CDNF: variants seen among roughly 807,000 people sequenced by gnomAD.
CDNF encodes ARMET-like protein 1.
CDNF carries 9 observed loss-of-function variants against 14.8 expected under a neutral mutation model. That is an observed-to-expected ratio of 0.61 (90% confidence interval 0.37 to 1.06). The LOEUF (loss-of-function observed/expected upper bound fraction) is 1.06. CDNF is among the 50% of genes least tolerant of loss of function. The probability of loss-of-function intolerance (pLI) is 0.01; values close to 1 mark genes in which losing one functional copy is unlikely to be tolerated. For synonymous variants in CDNF, 86 were observed against 87.2 expected (o/e 0.99, Z 0.07); for missense variants, 228 against 228.4 (o/e 1.00, Z 0.01).
chr10:14,825,817 G>A (rs1226857564), intron 2 of CDNF, among the ~76,000 whole-genome samples, 197 bp from the exon 3 acceptor site: 1 of 151,836 alleles, frequency 6.6e-6, no homozygotes, highest in Non-Finnish European at 1.5e-5. Flanking sequence ...TGGTCAACAT[G>A]GTGAAACCCC....
intron 1 of CDNF, 148 bp from the exon 2 acceptor site, chr10:14,828,420 G>T: frequency 1.5e-6 from 1 of 673,166 alleles, no homozygotes; most frequent in Non-Finnish European, 2.5e-6. Context: ...AGGCTGAGGT[G>T]GGCAGATCAC....
chr10:14,822,147 T>G (rs1833743014), intron 3 of CDNF, among the ~76,000 whole-genome samples: 1 of 152,200 alleles, frequency 6.6e-6, no homozygotes, highest in Non-Finnish European at 1.5e-5. Flanking sequence ...CTTTGTGTTA[T>G]TCCCACTTCT....
chr10:14,827,052 C>CAAAAAA (rs34308438), intron 2 of CDNF, among the ~76,000 whole-genome samples: 12 of 74,570 alleles, frequency 1.6e-4, no homozygotes, highest in Admixed American at 3.4e-4. Context: ...CCCGTCTCTA[C>CAAAAAA]AAAAAAAAAA....
chr10:14,835,799 G>A (rs1314186043), intron 1 of CDNF, among the ~76,000 whole-genome samples: 3 of 152,102 alleles, frequency 2.0e-5, no homozygotes, highest in Non-Finnish European at 2.9e-5. Context: ...AATATCTACA[G>A]GGGCCAGGCA....
At chr10:14,832,994 G>T (rs902546612) in intron 1 of CDNF, among the ~76,000 whole-genome samples, 1 of 151,472 alleles carries the variant, frequency 6.6e-6, no homozygotes, top group Non-Finnish European at 1.5e-5. Context: ...TGAGTAGCTG[G>T]GATTACAGGC....
chr10:14,832,991 C>T (rs1274357335), intron 1 of CDNF, among the ~76,000 whole-genome samples: 2 of 150,884 alleles, frequency 1.3e-5, no homozygotes, highest in African/African-American at 4.9e-5. Flanking sequence ...TCCTGAGTAG[C>T]TGGGATTACA....
At chr10:14,826,080 AAGAAGAAGAAGAAGAAGCAGC>A (rs1564313388) in intron 2 of CDNF, among the ~76,000 whole-genome samples, 10 of 141,668 alleles carry the variant, frequency 7.1e-5, no homozygotes, top group African/African-American at 2.2e-4. Context: ...GAAGAAGAAG[AAGAAGAAGAAGAAGAAGCAGC>A]AGCAGCAGCA....
At chr10:14,828,024 G>A in intron 2 of CDNF, 121 bp downstream of exon 2, 2 of 867,512 alleles carry the variant, frequency 2.3e-6, no homozygotes, top group South Asian at 1.6e-5. Flanking sequence ...CTTGCTGCGT[G>A]CTCTAAAATG....
At chr10:14,826,167 CAGAAGCAGCAGCAGAAGCAGA>C (rs1564313579) in intron 2 of CDNF, among the ~76,000 whole-genome samples, 4 of 133,154 alleles carry the variant, frequency 3.0e-5, no homozygotes, top group African/African-American at 1.2e-4. Flanking sequence ...GAAGAAGAAG[CAGAAGCAGCAGCAGAAGCAGA>C]AGCAGCAGAA....
chr10:14,826,077 AAGAAGAAGAAGAAGAAGAAGCAGC>A lies in CDNF; in HGVS notation c.244-481_244-458del, dbSNP rs1564313382. Among the ~76,000 whole-genome samples the A allele has an allele frequency of 1.6e-4, 22 of 141,860 alleles. 1 individual carries two copies. Among genetic ancestry groups the A allele is most frequent in the African/African-American group, 5.6e-4 (20 of 35,922 alleles). 93.1% of individuals were successfully genotyped at this position (141,860 alleles called of 152,430 possible). On this transcript the variant is annotated intron_variant, in intron 2 of 3. Coordinates refer to ENST00000465530, the MANE Select transcript of CDNF (RefSeq NM_001029954.3). ...GAAGAAGAAGAAGAAGAAGAAGAAG[AAGAAGAAGAAGAAGAAGAAGCAGC>A]AGCAGCAGCAGCAGCAGCAGCAGAA...
At chr10:14,820,225 C>A in intron 3 of CDNF, 67 bp from the exon 4 acceptor site, 1 of 1,503,338 alleles carries the variant, frequency 6.7e-7, no homozygotes, top group Non-Finnish European at 9.1e-7. Context: ...TGAATCACTT[C>A]AAAAGGCATA....
At chr10:14,826,062 A>C (rs61843029) in intron 2 of CDNF, among the ~76,000 whole-genome samples, 9 of 136,732 alleles carry the variant, frequency 6.6e-5, no homozygotes, top group African/African-American at 2.1e-4. Context: ...GAAGAAGAAG[A>C]AGAAGAAGAA....
chr10:14,831,709 G>A (rs1420922309), intron 1 of CDNF, among the ~76,000 whole-genome samples: 2 of 151,762 alleles, frequency 1.3e-5, no homozygotes, highest in Non-Finnish European at 2.9e-5. Context: ...TGAGTAGCTG[G>A]GACTAATGGC....
At chr10:14,826,427 C>CAGCAGAAGAAAGAAGCAGAAGA (rs1163460954) in intron 2 of CDNF, among the ~76,000 whole-genome samples, 1 of 145,306 alleles carries the variant, frequency 6.9e-6, no homozygotes, top group African/African-American at 2.6e-5. Flanking sequence ...GCAGCAGAAG[C>CAGCAGAAGAAAGAAGCAGAAGA]AGCAGAAGAA....
intron 3 of CDNF, 143 bp from the exon 4 acceptor site, chr10:14,820,301 G>T: frequency 1.2e-6 from 1 of 832,320 alleles, no homozygotes; most frequent in Non-Finnish European, 1.8e-6. Flanking sequence ...AGTTTCCATG[G>T]AAACCAAGAC....
chr10:14,837,722 T>C, intron 1 of CDNF, 110 bp downstream of exon 1: 1 of 651,006 alleles, frequency 1.5e-6, no homozygotes, highest in East Asian at 2.8e-5. Flanking sequence ...AGGGCCTGCA[T>C]TTCCTGGGCG....
At position 14,824,925 on chromosome 10, in the gene CDNF, T is replaced by G. The variant is rs556450827; in HGVS notation, c.385+554A>C. On this transcript the variant is annotated intron_variant, in intron 3 of 3. Coordinates refer to ENST00000465530, the MANE Select transcript of CDNF (RefSeq NM_001029954.3). ...ATACGTATCTGGCTTTGCCTTGGTGTGTTAGGAGTCTAAACTCTGTGATTT... is the reference window on the plus strand; with the variant it reads ...ATACGTATCTGGCTTTGCCTTGGTGGGTTAGGAGTCTAAACTCTGTGATTT... Among the ~76,000 whole-genome samples, 4 of 152,198 alleles carry G rather than the reference T, an allele frequency of 2.6e-5. No individual in the cohort carries two copies. In the South Asian group the frequency reaches 8.3e-4, roughly 32 times the overall value.
chr10:14,820,082 C>T lies in CDNF; in HGVS notation c.462G>A (p.Trp154Ter), dbSNP rs367910630. ...CTGCACAGGCCCTGCACTCCTCCCC[C>T]CAGCTATGCAGGATCTGCTTCAGCT... ...VAELKQILHS[W>*]GEECRACAEK... The change falls in exon 4 of 4, where the codon TGG becomes TGA. Residue 154 changes from tryptophan to a stop codon, truncating the protein, a stop_gained. Transcript: ENST00000465530. LOFTEE classifies it low-confidence loss of function (END_TRUNC). The T allele has an allele frequency of 1.2e-5, 20 of 1,614,020 alleles. No homozygotes were observed. The highest frequency in any genetic ancestry group is 7.7e-5 in the South Asian group (7 of 91,090).
At chr10:14,822,888 T>A (rs1901650) in intron 3 of CDNF, among the ~76,000 whole-genome samples, 2,135 of 152,304 alleles carry the variant, frequency 0.014, 87 homozygotes, top group East Asian at 0.082. Flanking sequence ...ACCCTTAAAT[T>A]TTTATAGTGA....
Sources: gnomAD v4.1 joint callset for allele counts (sites outside exome capture counted in the v4.1 genomes callset) on GRCh38, gnomAD v4.1.1 for gene constraint, MANE v1.5 for transcripts, NCBI Gene and HGNC (gene_info 2026-07-23, HGNC 2026-07-21) for gene names.